The following FLI1 variants were observed in gnomAD, a reference collection of about 807,000 sequenced individuals.
FLI1 encodes the protein Friend leukemia integration 1 transcription factor.
FLI1 carries 13 observed loss-of-function variants against 53.1 expected under a neutral mutation model. The ratio of observed to expected loss-of-function variants is 0.24; its 90% confidence interval spans 0.16 to 0.39. The LOEUF (loss-of-function observed/expected upper bound fraction) is 0.39, where lower values mean the gene tolerates loss of function less well. Ranked by LOEUF, FLI1 falls within the 10% of genes least tolerant of loss-of-function variation. The pLI is 1.00. For synonymous variants in FLI1, 244 were observed against 236.7 expected (o/e 1.03, Z -0.28); for missense variants, 424 against 600.5 (o/e 0.71, Z 3.07).
chr11:128,723,163 T>A (rs1275702780), intron 1 of FLI1, among the ~76,000 whole-genome samples: 1 of 152,162 alleles, frequency 6.6e-6, no homozygotes, highest in African/African-American at 2.4e-5. Context: ...ACCATCACAT[T>A]GTCCGTTAGG....
At chr11:128,704,943 C>A (rs377102069) in intron 1 of FLI1, among the ~76,000 whole-genome samples, 41 of 152,320 alleles carry the variant, frequency 2.7e-4, no homozygotes, top group African/African-American at 9.4e-4. Context: ...GCACTTGATC[C>A]CTGTAACAAC....
intron 5 of FLI1, among the ~76,000 whole-genome samples, chr11:128,799,392 A>G (rs1338623117): frequency 6.6e-6 from 1 of 152,158 alleles, no homozygotes; most frequent in Non-Finnish European, 1.5e-5. Context: ...AATAGACTCC[A>G]TGTATATGGT....
chr11:128,697,252 T>C (rs1209409745), intron 1 of FLI1, among the ~76,000 whole-genome samples: 1 of 152,230 alleles, frequency 6.6e-6, no homozygotes, highest in Non-Finnish European at 1.5e-5. Flanking sequence ...GTTAATTTTA[T>C]CTATGAATGC....
intron 1 of FLI1, among the ~76,000 whole-genome samples, chr11:128,743,520 G>A (rs1473226422): frequency 2.0e-5 from 3 of 152,128 alleles, no homozygotes; most frequent in East Asian, 3.9e-4. Context: ...GGCGGTTTGG[G>A]ACATCTCAGG....
At chr11:128,766,139 G>A (rs1941330735) in intron 2 of FLI1, among the ~76,000 whole-genome samples, 1 of 152,200 alleles carries the variant, frequency 6.6e-6, no homozygotes, top group African/African-American at 2.4e-5. Flanking sequence ...TAGCCCCAGG[G>A]CGGGTGAGGG....
chr11:128,753,912 A>T (rs667665), intron 1 of FLI1, among the ~76,000 whole-genome samples: 9,893 of 152,310 alleles, frequency 0.065, 460 homozygotes, highest in South Asian at 0.16. Flanking sequence ...GGGTGCTCCT[A>T]AAGCTGTTGA....
At position 128,773,060 on chromosome 11, in the gene FLI1, T is replaced by G. The variant is rs549167681; in HGVS notation, c.589+75T>G. On this transcript the variant is annotated intron_variant, in intron 4 of 8. Coordinates refer to ENST00000527786, the MANE Select transcript of FLI1 (RefSeq NM_002017.5). ...CAACCCAGGGAGAGGAAGTCAGTGC[T>G]GCCCGTTCGTGTTGGGCAGATGCCG... The G allele has an allele frequency of 3.5e-5, 49 of 1,380,876 alleles. No homozygotes were observed. The African/African-American group carries it at 5.9e-4, about 17-fold the overall frequency. 85.5% of individuals were successfully genotyped at this position (1,380,876 alleles called of 1,614,324 possible).
At chr11:128,707,208 A>G (rs1938583059) in intron 1 of FLI1, among the ~76,000 whole-genome samples, 1 of 152,180 alleles carries the variant, frequency 6.6e-6, no homozygotes, top group African/African-American at 2.4e-5. Context: ...CAAGTTCATG[A>G]ACAGTCAGGA....
chr11:128,800,453 C>A (rs576379898), intron 5 of FLI1, among the ~76,000 whole-genome samples: 8 of 152,070 alleles, frequency 5.3e-5, no homozygotes, highest in Non-Finnish European at 1.2e-4. Context: ...CCGGCAGGGA[C>A]GTTTGGGCTT....
intron 1 of FLI1, among the ~76,000 whole-genome samples, chr11:128,714,348 C>T (rs1201565126): frequency 2.0e-5 from 3 of 152,062 alleles, no homozygotes; most frequent in Non-Finnish European, 1.5e-5. Context: ...AACTGCAGAA[C>T]AGGGAGATTC....
chr11:128,721,833 C>T (rs1939266498), intron 1 of FLI1, among the ~76,000 whole-genome samples: 1 of 152,172 alleles, frequency 6.6e-6, no homozygotes, highest in Admixed American at 6.5e-5. Context: ...GGAATGAAGG[C>T]ATTTGGGTGA....
intron 1 of FLI1, among the ~76,000 whole-genome samples, chr11:128,737,295 T>C (rs1002204398): frequency 1.3e-5 from 2 of 152,144 alleles, no homozygotes; most frequent in Admixed American, 6.6e-5. Context: ...CCTCCTTCAC[T>C]GGGAGCTGAA....
At chr11:128,737,409 A>G (rs1333288970) in intron 1 of FLI1, among the ~76,000 whole-genome samples, 1 of 152,192 alleles carries the variant, frequency 6.6e-6, no homozygotes, top group East Asian at 1.9e-4. Flanking sequence ...CCACACCGGA[A>G]CACGAGCTCT....
intron 8 of FLI1, among the ~76,000 whole-genome samples, chr11:128,809,409 A>G (rs1942878267): frequency 6.6e-6 from 1 of 152,218 alleles, no homozygotes; most frequent in African/African-American, 2.4e-5. Flanking sequence ...AGCTGAGGAT[A>G]CTTCTAGGAA....
rs148111411 is a variant in FLI1 at position 128,739,959 on chromosome 11, C to A, written c.19-18156C>A. ...AGGGCCACGTCTGAGCCGCATCAGG[C>A]CTGGCCAGAGCCACTGGCAAGGTCT... On this transcript the variant is annotated intron_variant, in intron 1 of 8. Transcript: ENST00000527786. Among the ~76,000 whole-genome samples, 135 of 152,230 alleles carry A rather than the reference C, an allele frequency of 8.9e-4. 1 individual carries two copies. The highest frequency in any genetic ancestry group is 3.2e-3 in the African/African-American group (132 of 41,484).
At chr11:128,691,248 T>C (rs866891679), upstream of FLI1, among the ~76,000 whole-genome samples, 11 of 152,168 alleles carry the variant, frequency 7.2e-5, no homozygotes, top group African/African-American at 2.7e-4. Context: ...CAGGGTAGAC[T>C]TGTTTACTAT....
chr11:128,696,681 A>G (rs147457590), intron 1 of FLI1, among the ~76,000 whole-genome samples: 3 of 152,334 alleles, frequency 2.0e-5, no homozygotes, highest in East Asian at 3.9e-4. Context: ...CACTCTAGAG[A>G]GAATCTAATT....
chr11:128,696,485 A>G (rs1248317865), intron 1 of FLI1, among the ~76,000 whole-genome samples: 1 of 152,176 alleles, frequency 6.6e-6, no homozygotes, highest in African/African-American at 2.4e-5. Context: ...TCTTGGTGAG[A>G]ATGAACCGTC....
intron 1 of FLI1, among the ~76,000 whole-genome samples, chr11:128,731,668 C>T (rs1422280398): frequency 6.6e-6 from 1 of 152,150 alleles, no homozygotes; most frequent in Non-Finnish European, 1.5e-5. Flanking sequence ...AAACGGTCAT[C>T]GTGATTTGAC....
Sources: gnomAD v4.1 joint callset for allele counts (sites outside exome capture counted in the v4.1 genomes callset) on GRCh38, gnomAD v4.1.1 for gene constraint, MANE v1.5 for transcripts, NCBI Gene and HGNC (gene_info 2026-07-23, HGNC 2026-07-21) for gene names.